Variants in KIF5C observed in about 807,000 individuals in gnomAD.
KIF5C encodes kinesin heavy chain isoform 5C.
A neutral mutation model predicts 125.2 loss-of-function variants in KIF5C; 18 were observed. The observed-to-expected ratio is 0.14, with a 90% CI of 0.10 to 0.21. The LOEUF is 0.21. Among genes scored for constraint, KIF5C ranks in the 10% least tolerant of loss-of-function variants. The probability of loss-of-function intolerance (pLI) is 1.00; values close to 1 mark genes in which losing one functional copy is unlikely to be tolerated. For synonymous variants in KIF5C, 405 were observed against 434.0 expected, an observed-to-expected ratio of 0.93 and a Z score of 0.83; for missense variants, 780 against 1,183.8, an observed-to-expected ratio of 0.66 and a Z score of 5.01.
chr2:148,939,132 C>G (rs548166852), intron 4 of KIF5C, among the ~76,000 whole-genome samples: 20 of 151,602 alleles, frequency 1.3e-4, no homozygotes, highest in South Asian at 2.1e-4. Context: ...GTTACAAGGC[C>G]CAACTTAAAC....
chr2:148,927,268 G>A (rs1682039135), intron 2 of KIF5C, among the ~76,000 whole-genome samples: 1 of 152,192 alleles, frequency 6.6e-6, no homozygotes. Flanking sequence ...TCAGGAGGAA[G>A]TTGAGCTCTG....
At chr2:148,885,333 AG>A (rs1056262069) in intron 1 of KIF5C, among the ~76,000 whole-genome samples, 30 of 152,184 alleles carry the variant, frequency 2.0e-4, no homozygotes, top group African/African-American at 7.2e-4. Flanking sequence ...CCAGTGTGTC[AG>A]GGTCACCTGG....
At chr2:148,877,735 C>G (rs1224813389) in intron 1 of KIF5C, 1 of 152,058 alleles carries the variant, frequency 6.6e-6, no homozygotes, top group Non-Finnish European at 1.5e-5. Flanking sequence ...CTCCTCCCTC[C>G]TCCCCCATCC....
chr2:148,989,995 C>T (rs7599309), intron 15 of KIF5C, among the ~76,000 whole-genome samples: 7,960 of 152,240 alleles, frequency 0.052, 535 homozygotes, highest in African/African-American at 0.15. Context: ...CAAAAAACCA[C>T]GGTTGGAGTC....
chr2:148,914,466 T>C (rs894950262), intron 1 of KIF5C, among the ~76,000 whole-genome samples: 3 of 152,268 alleles, frequency 2.0e-5, no homozygotes, highest in Non-Finnish European at 4.4e-5. Flanking sequence ...CTTTTGTAGC[T>C]GTCTGTGATC....
At chr2:148,886,573 G>A (rs2105041244) in intron 1 of KIF5C, among the ~76,000 whole-genome samples, 2 of 137,546 alleles carry the variant, frequency 1.5e-5, no homozygotes, top group South Asian at 4.6e-4. Flanking sequence ...GTGTAGATCA[G>A]ACTTGCCCAC....
intron 2 of KIF5C, among the ~76,000 whole-genome samples, chr2:148,927,010 T>A (rs147755485): frequency 0.17 from 25,208 of 151,932 alleles, 3,510 homozygotes; most frequent in African/African-American, 0.38. Context: ...AGAAAAAAAA[T>A]AGTGTTCAGT....
chr2:148,955,086 C>T (rs1682760231), intron 10 of KIF5C, among the ~76,000 whole-genome samples: 1 of 152,066 alleles, frequency 6.6e-6, no homozygotes, highest in Non-Finnish European at 1.5e-5. Context: ...TTTCATTTCT[C>T]CCTCCTGCCC....
chr2:148,953,101 T>C (rs1682706577), intron 10 of KIF5C, among the ~76,000 whole-genome samples: 1 of 152,238 alleles, frequency 6.6e-6, no homozygotes, highest in Admixed American at 6.5e-5. Context: ...CTACATTCTT[T>C]TATCAGAGTC....
chr2:149,014,037 T>A (rs1459523931), intron 25 of KIF5C, among the ~76,000 whole-genome samples: 1 of 152,184 alleles, frequency 6.6e-6, no homozygotes, highest in African/African-American at 2.4e-5. Flanking sequence ...CATCATCATC[T>A]TTTCGAGATG....
chr2:149,003,324 G>C (rs974631557), intron 21 of KIF5C, among the ~76,000 whole-genome samples: 5 of 152,266 alleles, frequency 3.3e-5, no homozygotes, highest in African/African-American at 1.2e-4. Context: ...TGCTGGCCAG[G>C]GGGTGAATGC....
intron 22 of KIF5C, among the ~76,000 whole-genome samples, chr2:149,006,293 G>A (rs1574832608): frequency 6.6e-6 from 1 of 152,340 alleles, no homozygotes; most frequent in East Asian, 1.9e-4. Context: ...TCGGGTCTGA[G>A]AGGGAGAGGG....
intron 1 of KIF5C, among the ~76,000 whole-genome samples, chr2:148,912,221 T>C (rs1322154021): frequency 2.6e-5 from 4 of 152,110 alleles, no homozygotes; most frequent in Admixed American, 2.0e-4. Context: ...GAAGGAAGTG[T>C]TGGGAGAGTT....
intron 10 of KIF5C, among the ~76,000 whole-genome samples, chr2:148,952,102 A>G (rs1682679596): frequency 6.6e-6 from 1 of 152,132 alleles, no homozygotes. Context: ...CAGTAGGATA[A>G]CACCTACTTT....
intron 8 of KIF5C, 188 bp downstream of exon 8, chr2:148,947,211 A>G (rs1574775996): frequency 4.6e-6 from 4 of 864,456 alleles, no homozygotes; most frequent in East Asian, 2.9e-5. Flanking sequence ...GAGGTCTCCT[A>G]TTGGTGTCAC....
Position 148,876,423 on chromosome 2 carries a change from C to T in KIF5C, c.126+680C>T, listed in dbSNP as rs1216086944. Among the ~76,000 whole-genome samples the T allele has an allele frequency of 6.6e-6, 1 of 152,168 alleles. No individual in the cohort carries two copies. The highest frequency in any genetic ancestry group is 1.5e-5 in the Non-Finnish European group (1 of 68,030). The stretch of plus-strand genomic sequence containing the variant: ...ATGTGGAGTCCCGGCTTGATCCCTC[C>T]CCTCTGGGATGACCTCCCTCCCATG... On this transcript the variant is annotated intron_variant, in intron 1 of 25. Coordinates refer to ENST00000435030, the MANE Select transcript of KIF5C (RefSeq NM_004522.3). The surrounding 1 kb of genome is among the most constrained non-coding windows in gnomAD (Gnocchi z 4.7).
At chr2:148,998,809 G>T (rs569419156) in intron 19 of KIF5C, 2 of 266,108 alleles carry the variant, frequency 7.5e-6, no homozygotes, top group East Asian at 1.3e-4. Context: ...TAGATGGGGG[G>T]GAGCATCTGT....
At chr2:148,989,219 G>A (rs1428132148) in intron 15 of KIF5C, among the ~76,000 whole-genome samples, 2 of 152,012 alleles carry the variant, frequency 1.3e-5, no homozygotes, top group Admixed American at 6.6e-5. Flanking sequence ...ACGATGTTTG[G>A]TTTTCCATTC....
At chr2:148,881,348 C>T (rs750627204) in intron 1 of KIF5C, among the ~76,000 whole-genome samples, 2 of 152,086 alleles carry the variant, frequency 1.3e-5, no homozygotes, top group African/African-American at 2.4e-5. Flanking sequence ...CTCTAGACTA[C>T]GTTAGCTGTT....
Sources: allele counts gnomAD v4.1 joint callset (sites outside exome capture counted in the v4.1 genomes callset), GRCh38; gene constraint gnomAD v4.1.1; non-coding constraint Gnocchi (gnomAD v3.1); transcripts MANE v1.5; gene names NCBI Gene and HGNC (gene_info 2026-07-23, HGNC 2026-07-21).